DMD: variants seen among roughly 807,000 people sequenced by gnomAD.
DMD encodes mutant dystrophin.
DMD carries 63 observed loss-of-function variants against 330.1 expected under a neutral mutation model. The observed-to-expected ratio is 0.19, with a 90% confidence interval of 0.16 to 0.24. The LOEUF (loss-of-function observed/expected upper bound fraction) is 0.24. Among genes scored for constraint, DMD ranks in the 10% least tolerant of loss-of-function variants. The pLI is 1.00. For synonymous variants in DMD, 1,223 were observed against 959.8 expected, an observed-to-expected ratio of 1.27 and a Z score of -5.07; for missense variants, 3,344 against 2,684.1, an observed-to-expected ratio of 1.25 and a Z score of -5.43.
intron 1 of DMD, among the ~76,000 whole-genome samples, chrX:33,209,927 T>C (rs1033345098): frequency 1.8e-5 from 2 of 110,007 alleles, no homozygotes; most frequent in Non-Finnish European, 3.8e-5. Flanking sequence ...TATATATATA[T>C]AAAATCACTA....
chrX:32,688,870 G>A (rs1414319762), intron 9 of DMD, among the ~76,000 whole-genome samples: 1 of 111,442 alleles, frequency 9.0e-6, no homozygotes, highest in Non-Finnish European at 1.9e-5. Context: ...TTGGGACATG[G>A]ATGACAGAAA....
chrX:31,128,351 T>C (rs2034018535), intron 77 of DMD, among the ~76,000 whole-genome samples: 1 of 111,109 alleles, frequency 9.0e-6, no homozygotes, highest in Non-Finnish European at 1.9e-5. Flanking sequence ...AGTGAATTGG[T>C]AAAGTAGTAG....
intron 50 of DMD, among the ~76,000 whole-genome samples, chrX:31,781,251 A>G (rs1000722317): frequency 8.9e-6 from 1 of 112,043 alleles, no homozygotes; most frequent in Non-Finnish European, 1.9e-5. Context: ...AGGATCTCAC[A>G]TTAACAAGTG....
chrX:31,386,244 G>T (rs1435891059), intron 60 of DMD, among the ~76,000 whole-genome samples: 2 of 111,501 alleles, frequency 1.8e-5, no homozygotes, highest in South Asian at 3.9e-4. Flanking sequence ...GGGGAGGGAG[G>T]AGGGATAGCA....
At position 32,843,312 on chromosome X, in the gene DMD, A is replaced by G. The variant is rs185568500; in HGVS notation, c.264+1471T>C. On this transcript the variant is annotated intron_variant, in intron 4 of 78. Transcript: ENST00000357033. The stretch of plus-strand genomic sequence containing the variant: ...AAAGACATTTTCTTTGTGTAACTTT[A>G]ATATTGTTAACAATTCTCATAATGT... 3.4e-4 allele frequency among the ~76,000 whole-genome samples: 38 copies of G among 112,441 alleles called. No individual in the cohort carries two copies. In the East Asian group the frequency reaches 7.5e-3, roughly 22 times the overall value.
intron 1 of DMD, among the ~76,000 whole-genome samples, chrX:33,194,044 C>G (rs181896487): frequency 9.1e-6 from 1 of 110,457 alleles, no homozygotes; most frequent in African/African-American, 3.3e-5. Context: ...AATATAGACT[C>G]AGTTACCTCA....
chrX:31,497,385 G>A (rs1291725173), intron 56 of DMD, among the ~76,000 whole-genome samples: 1 of 111,553 alleles, frequency 9.0e-6, no homozygotes, highest in Non-Finnish European at 1.9e-5. Flanking sequence ...TACACCCTAG[G>A]CAGCCTTTTC....
At chrX:31,930,946 C>T (rs570307035) in intron 46 of DMD, among the ~76,000 whole-genome samples, 3 of 112,202 alleles carry the variant, frequency 2.7e-5, no homozygotes, top group African/African-American at 6.5e-5. Context: ...AGTAAAACAT[C>T]GGATGTATAG....
intron 43 of DMD, among the ~76,000 whole-genome samples, chrX:32,252,245 C>A (rs1473046835): frequency 9.0e-6 from 1 of 110,625 alleles, no homozygotes; most frequent in East Asian, 2.8e-4. Flanking sequence ...ACACTCTTTA[C>A]TGAGTTGCAG....
intron 7 of DMD, among the ~76,000 whole-genome samples, chrX:32,789,000 C>A (rs2075623080): frequency 9.0e-6 from 1 of 111,499 alleles, no homozygotes; most frequent in Non-Finnish European, 1.9e-5. Flanking sequence ...AATTAAAGAA[C>A]AAAGAGTCAG....
intron 51 of DMD, among the ~76,000 whole-genome samples, chrX:31,746,131 T>C (rs1329284390): frequency 3.6e-5 from 4 of 112,244 alleles, no homozygotes; most frequent in Non-Finnish European, 5.6e-5. Flanking sequence ...TTAAAAACAT[T>C]TTGAAGATAT....
upstream of DMD, among the ~76,000 whole-genome samples, chrX:33,212,783 C>G (rs1327997495): frequency 1.2e-4 from 13 of 111,410 alleles, no homozygotes; most frequent in Non-Finnish European, 2.5e-4. Context: ...CATTCTTTTC[C>G]CTAGGTCACC....
chrX:31,843,389 G>A (rs1278515968), intron 48 of DMD, among the ~76,000 whole-genome samples: 1 of 111,562 alleles, frequency 9.0e-6, no homozygotes, highest in Non-Finnish European at 1.9e-5. Flanking sequence ...TGTGTTTTGA[G>A]TTTTTGATAA....
intron 5 of DMD, among the ~76,000 whole-genome samples, chrX:32,820,298 C>T (rs1263380341): frequency 1.8e-5 from 2 of 110,723 alleles, no homozygotes; most frequent in African/African-American, 6.6e-5. Flanking sequence ...AAAAATTAGC[C>T]GGGCGTGGTG....
intron 9 of DMD, among the ~76,000 whole-genome samples, chrX:32,677,396 C>A (rs190233450): frequency 1.4e-4 from 16 of 111,475 alleles, no homozygotes; most frequent in Non-Finnish European, 2.6e-4. Flanking sequence ...CCACTGAACA[C>A]ACATTAATTT....
At chrX:32,880,211 G>T (rs2083784030) in intron 2 of DMD, among the ~76,000 whole-genome samples, 2 of 102,324 alleles carry the variant, frequency 2.0e-5, no homozygotes, top group Non-Finnish European at 2.0e-5. Flanking sequence ...AACTCAATTG[G>T]TTTGTGACTT....
intron 67 of DMD, among the ~76,000 whole-genome samples, chrX:31,196,300 A>G (rs775793100): frequency 1.4e-4 from 16 of 111,258 alleles, no homozygotes; most frequent in Non-Finnish European, 3.0e-4. Flanking sequence ...TGATTGGACT[A>G]TTAGGGTCTA....
rs753853870 is a variant in DMD, at chrX:31,477,533, C to T, written c.8937+573G>A. Among the ~76,000 whole-genome samples, 9 of 111,435 alleles carry T rather than the reference C, an allele frequency of 8.1e-5. No homozygotes were observed. In the South Asian group the frequency reaches 3.4e-3, roughly 43 times the overall value. On this transcript the variant is annotated intron_variant, in intron 59 of 78. Coordinates refer to ENST00000357033, the MANE Select transcript of DMD (RefSeq NM_004006.3). The stretch of plus-strand genomic sequence containing the variant: ...ATCTTTGTGCCACAAGGGAATTTAA[C>T]TTTGGTCTTATAGACAGTGGTCTTC...
At chrX:31,624,748 T>G (rs1013155970) in intron 55 of DMD, among the ~76,000 whole-genome samples, 1 of 111,871 alleles carries the variant, frequency 8.9e-6, no homozygotes, top group Non-Finnish European at 1.9e-5. Context: ...AGCATGAATC[T>G]ATGAATACAA....
Sources: gnomAD v4.1 joint callset for allele counts (sites outside exome capture counted in the v4.1 genomes callset) on GRCh38, gnomAD v4.1.1 for gene constraint, MANE v1.5 for transcripts, NCBI Gene and HGNC (gene_info 2026-07-23, HGNC 2026-07-21) for gene names.